Variants in FAM184B observed in about 807,000 individuals in gnomAD.
The protein encoded by FAM184B is protein FAM184B.
Under a neutral mutation model 135.9 loss-of-function variants are expected in FAM184B, and 111 were observed. The observed-to-expected ratio is 0.82, with a 90% confidence interval of 0.70 to 0.96. The LOEUF (loss-of-function observed/expected upper bound fraction) is 0.96. Ranked by LOEUF, FAM184B falls within the 40% of genes least tolerant of loss-of-function variation. The pLI, the probability that FAM184B is intolerant of heterozygous loss-of-function variation, is 0.00. For synonymous variants in FAM184B, 552 were observed against 524.8 expected, an observed-to-expected ratio of 1.05 and a Z score of -0.71; for missense variants, 1,375 against 1,323.9, an observed-to-expected ratio of 1.04 and a Z score of -0.60.
chr4:17,636,252 C>T (rs1020059730), intron 15 of FAM184B, among the ~76,000 whole-genome samples: 21 of 152,096 alleles, frequency 1.4e-4, no homozygotes, highest in African/African-American at 4.8e-4. Context: ...ATTACAGATG[C>T]CCACAACCAC....
At position 17,781,203 on chromosome 4, in the gene FAM184B, G is replaced by A. The variant is rs1265052478; in HGVS notation, c.97C>T (p.Gln33Ter). Reference sequence around the variant, plus strand: ...TTCTTGCACATTTTCACGTGCATCTGGGGATCACAGTCCATTCTCCAGCCG... The same window carrying A: ...TTCTTGCACATTTTCACGTGCATCTAGGGATCACAGTCCATTCTCCAGCCG... ...GAGWRMDCDP[Q>*]MHVKMCKKIA... Residue 33 changes from glutamine to a stop codon, truncating the protein, a stop_gained, in exon 1 of 18, where the codon CAG becomes TAG. Transcript: ENST00000265018. LOFTEE classifies it high-confidence loss of function. The surrounding 1 kb of genome is among the most constrained non-coding windows in gnomAD (Gnocchi z 6.5). 1.3e-6 allele frequency: 2 copies of A among 1,550,448 alleles called. No homozygotes were observed. The highest frequency in any genetic ancestry group is 3.9e-5 in the Admixed American group (2 of 50,808).
chr4:17,780,882 C>G (rs1444984744), intron 1 of FAM184B, among the ~76,000 whole-genome samples: 1 of 152,196 alleles, frequency 6.6e-6, no homozygotes, highest in Non-Finnish European at 1.5e-5. Context: ...CACACACACA[C>G]GATTCACATT....
At chr4:17,725,293 T>G (rs1717614359) in intron 1 of FAM184B, among the ~76,000 whole-genome samples, 1 of 152,142 alleles carries the variant, frequency 6.6e-6, no homozygotes, top group Non-Finnish European at 1.5e-5. Flanking sequence ...AAGAATTCTG[T>G]ATGACAGAGA....
At chr4:17,713,048 T>G (rs949389933) in intron 1 of FAM184B, among the ~76,000 whole-genome samples, 9 of 152,228 alleles carry the variant, frequency 5.9e-5, no homozygotes, top group Admixed American at 5.2e-4. Context: ...ATTGTCTCTG[T>G]CTGATATAGC....
At chr4:17,780,627 C>T (rs1464648163) in intron 1 of FAM184B, among the ~76,000 whole-genome samples, 2 of 152,126 alleles carry the variant, frequency 1.3e-5, no homozygotes, top group South Asian at 2.1e-4. Flanking sequence ...CGTGCTCTTC[C>T]CCATTTATGC....
At chr4:17,685,965 G>A (rs1216745704) in intron 7 of FAM184B, among the ~76,000 whole-genome samples, 4 of 152,128 alleles carry the variant, frequency 2.6e-5, no homozygotes, top group African/African-American at 4.8e-5. Context: ...AACACAGCCT[G>A]CTCTACAATC....
At position 17,647,410 on chromosome 4, in the gene FAM184B, G is replaced by A. The variant is rs148654949; in HGVS notation, c.2346+227C>T. On this transcript the variant is annotated intron_variant, in intron 12 of 17. Transcript: ENST00000265018. ...TTACAGGCATATGCCACCACGCCCA[G>A]CTAATTTTCAATTTTTTTTTGTAGA... is the stretch of plus-strand genomic sequence containing the variant. Among the ~76,000 whole-genome samples the A allele has an allele frequency of 1.3e-3, 197 of 152,110 alleles. 2 individuals carry two copies. The highest frequency in any genetic ancestry group is 4.4e-3 in the African/African-American group (181 of 41,502).
chr4:17,755,052 G>C (rs1370203603), intron 1 of FAM184B, among the ~76,000 whole-genome samples: 2 of 151,804 alleles, frequency 1.3e-5, no homozygotes, highest in Non-Finnish European at 2.9e-5. Context: ...GTAAGAATGG[G>C]GTCTTGCTGT....
intron 1 of FAM184B, among the ~76,000 whole-genome samples, chr4:17,735,438 A>G (rs144853212): frequency 4.5e-4 from 68 of 152,314 alleles, no homozygotes; most frequent in African/African-American, 1.6e-3. Context: ...TGGTTCAATT[A>G]AAATGATCAA....
intron 13 of FAM184B, among the ~76,000 whole-genome samples, chr4:17,640,481 C>A (rs199654701): frequency 2.2e-3 from 282 of 127,294 alleles, no homozygotes; most frequent in East Asian, 3.1e-3. Flanking sequence ...AAGACTGTCT[C>A]AAAAAAAAAA....
intron 11 of FAM184B, among the ~76,000 whole-genome samples, chr4:17,650,600 G>A (rs1175387933): frequency 2.0e-5 from 3 of 152,204 alleles, no homozygotes; most frequent in African/African-American, 7.2e-5. Context: ...TCACCAGGAT[G>A]TCCAGCCTGA....
chr4:17,722,839 G>A (rs915787103), intron 1 of FAM184B, among the ~76,000 whole-genome samples: 8 of 152,178 alleles, frequency 5.3e-5, no homozygotes, highest in African/African-American at 1.9e-4. Flanking sequence ...ACATGTGTAT[G>A]CGTGAATGAT....
chr4:17,649,888 C>CCACCTATA (rs1715565711), intron 11 of FAM184B, among the ~76,000 whole-genome samples: 2 of 151,106 alleles, frequency 1.3e-5, no homozygotes, highest in Non-Finnish European at 3.0e-5. Context: ...ATCCACCCAT[C>CCACCTATA]TATCTGTCTA....
intron 7 of FAM184B, among the ~76,000 whole-genome samples, chr4:17,682,289 T>G (rs930091127): frequency 1.3e-5 from 2 of 152,222 alleles, no homozygotes; most frequent in Non-Finnish European, 1.5e-5. Flanking sequence ...AGTAAAACTT[T>G]GAATCTACGA....
At chr4:17,769,050 G>A (rs1443691750) in intron 1 of FAM184B, among the ~76,000 whole-genome samples, 6 of 151,888 alleles carry the variant, frequency 4.0e-5, no homozygotes, top group East Asian at 3.9e-4. Context: ...TGATCCACCC[G>A]CCTTGGCCTC....
At chr4:17,698,334 C>T (rs1192104708) in intron 5 of FAM184B, among the ~76,000 whole-genome samples, 1 of 152,118 alleles carries the variant, frequency 6.6e-6, no homozygotes, top group Admixed American at 6.6e-5. Flanking sequence ...ATACAGGACT[C>T]ACACTCATTT....
intron 1 of FAM184B, among the ~76,000 whole-genome samples, chr4:17,731,153 C>T (rs1717766338): frequency 6.6e-6 from 1 of 152,114 alleles, no homozygotes; most frequent in Non-Finnish European, 1.5e-5. Context: ...ACCAGGTCTG[C>T]CCTAAAAGAG....
intron 1 of FAM184B, among the ~76,000 whole-genome samples, chr4:17,770,393 AT>A (rs1484512532): frequency 6.6e-6 from 1 of 152,146 alleles, no homozygotes; most frequent in Non-Finnish European, 1.5e-5. Context: ...GGACTTACTC[AT>A]TTTGTTTATG....
intron 1 of FAM184B, among the ~76,000 whole-genome samples, chr4:17,756,285 A>G (rs574540501): frequency 6.6e-6 from 1 of 152,228 alleles, no homozygotes; most frequent in Non-Finnish European, 1.5e-5. Context: ...GATTACTGCA[A>G]CCACGTCAAA....
Sources: allele counts gnomAD v4.1 joint callset (sites outside exome capture counted in the v4.1 genomes callset), GRCh38; gene constraint gnomAD v4.1.1; non-coding constraint Gnocchi (gnomAD v3.1); transcripts MANE v1.5; gene names NCBI Gene and HGNC (gene_info 2026-07-23, HGNC 2026-07-21).